Variants in PAPSS1 observed in about 807,000 individuals in gnomAD.
PAPSS1 encodes bifunctional 3'-phosphoadenosine 5'-phosphosulfate synthase 1.
A neutral mutation model predicts 72.0 loss-of-function variants in PAPSS1; 50 were observed. That is an observed-to-expected ratio of 0.69 (90% CI 0.55 to 0.88). The LOEUF (loss-of-function observed/expected upper bound fraction) is 0.88, where lower values mean the gene tolerates loss of function less well. Ranked by LOEUF, PAPSS1 falls within the 40% of genes least tolerant of loss-of-function variation. PAPSS1 has a pLI of 0.00. For missense variants in PAPSS1, 657 were observed against 782.2 expected (o/e 0.84, Z 1.91); for synonymous variants, 261 against 263.6 (o/e 0.99, Z 0.09).
chr4:107,647,320 G>C (rs574598912), intron 9 of PAPSS1, among the ~76,000 whole-genome samples: 2 of 152,348 alleles, frequency 1.3e-5, no homozygotes, highest in South Asian at 2.1e-4. Flanking sequence ...CAGAGTGAGG[G>C]AAGGAAAGAA....
At chr4:107,668,930 C>T (rs1266705024) in intron 5 of PAPSS1, among the ~76,000 whole-genome samples, 2 of 152,076 alleles carry the variant, frequency 1.3e-5, no homozygotes, top group Non-Finnish European at 2.9e-5. Flanking sequence ...TAATGTAGGA[C>T]CCCTAACCTT....
chr4:107,713,278 C>T (rs546038930), intron 1 of PAPSS1, among the ~76,000 whole-genome samples: 2 of 152,184 alleles, frequency 1.3e-5, no homozygotes, highest in East Asian at 1.9e-4. Context: ...CCCACAATAG[C>T]ATAACCCATA....
chr4:107,623,674 C>A (rs926994568), intron 11 of PAPSS1, among the ~76,000 whole-genome samples: 1 of 152,188 alleles, frequency 6.6e-6, no homozygotes, highest in Admixed American at 6.5e-5. Flanking sequence ...GGAGTCTCAA[C>A]TGAATGGGAG....
chr4:107,682,254 T>A (rs1490200459), intron 4 of PAPSS1, 121 bp from the exon 5 acceptor site: 3 of 453,700 alleles, frequency 6.6e-6, no homozygotes, highest in Non-Finnish European at 7.8e-6. Flanking sequence ...GCCACAGGGC[T>A]ATAGTAATGA....
chr4:107,619,717 A>G (rs1316672594), intron 11 of PAPSS1, among the ~76,000 whole-genome samples: 3 of 152,240 alleles, frequency 2.0e-5, no homozygotes, highest in Non-Finnish European at 4.4e-5. Context: ...AATTTGGGCC[A>G]TTTCACTACA....
At chr4:107,655,105 TA>T (rs61591737) in intron 7 of PAPSS1, among the ~76,000 whole-genome samples, 1,767 of 117,666 alleles carry the variant, frequency 0.015, 28 homozygotes, top group African/African-American at 0.041. Flanking sequence ...TCTCCCAAGT[TA>T]AAAAAAAAAA....
At chr4:107,698,261 G>C (rs1449459543) in intron 2 of PAPSS1, among the ~76,000 whole-genome samples, 1 of 152,048 alleles carries the variant, frequency 6.6e-6, no homozygotes, top group African/African-American at 2.4e-5. Flanking sequence ...CATCTGAATT[G>C]CAAGAAAAAA....
chr4:107,684,168 C>T (rs1229051599), intron 4 of PAPSS1, among the ~76,000 whole-genome samples: 4 of 152,168 alleles, frequency 2.6e-5, no homozygotes, highest in African/African-American at 9.7e-5. Context: ...TCTTTGAATA[C>T]TTGGCACCAA....
chr4:107,617,241 G>GC (rs1725848865), intron 11 of PAPSS1, among the ~76,000 whole-genome samples: 1 of 143,574 alleles, frequency 7.0e-6, no homozygotes, highest in African/African-American at 2.6e-5. Flanking sequence ...CGGCCTCCAA[G>GC]CATCTCCTGT....
At chr4:107,680,267 A>G (rs1339373636) in intron 5 of PAPSS1, among the ~76,000 whole-genome samples, 1 of 152,172 alleles carries the variant, frequency 6.6e-6, no homozygotes, top group African/African-American at 2.4e-5. Flanking sequence ...ACCTAGACAC[A>G]TGATATTAAA....
chr4:107,677,978 T>C (rs541662861), intron 5 of PAPSS1, among the ~76,000 whole-genome samples: 234 of 152,122 alleles, frequency 1.5e-3, no homozygotes, highest in Middle Eastern at 3.4e-3. Context: ...TAGGTGGGAA[T>C]TGAACAATGA....
At chr4:107,692,354 G>A (rs1210687264) in intron 3 of PAPSS1, among the ~76,000 whole-genome samples, 2 of 152,008 alleles carry the variant, frequency 1.3e-5, no homozygotes, top group African/African-American at 4.8e-5. Flanking sequence ...CTCTTAAGAA[G>A]ACATACATGC....
At chr4:107,664,242 A>T (rs1255384769) in intron 5 of PAPSS1, among the ~76,000 whole-genome samples, 6 of 152,174 alleles carry the variant, frequency 3.9e-5, no homozygotes, top group Non-Finnish European at 8.8e-5. Flanking sequence ...TCTGAAATGT[A>T]TATTATTGTA....
chr4:107,655,016 G>A, intron 7 of PAPSS1, 116 bp from the exon 8 acceptor site: 1 of 675,068 alleles, frequency 1.5e-6, no homozygotes, highest in Non-Finnish European at 2.5e-6. Context: ...TGTAGATCCA[G>A]TGACAGTATT....
At chr4:107,636,707 G>A (rs1212332745) in intron 10 of PAPSS1, among the ~76,000 whole-genome samples, 1 of 152,102 alleles carries the variant, frequency 6.6e-6, no homozygotes, top group Non-Finnish European at 1.5e-5. Flanking sequence ...GGGGAGGACA[G>A]GAGGACCAAA....
intron 2 of PAPSS1, among the ~76,000 whole-genome samples, chr4:107,697,889 T>C (rs1723109608): frequency 6.6e-6 from 1 of 152,106 alleles, no homozygotes; most frequent in Non-Finnish European, 1.5e-5. Context: ...ACAGCTGGTG[T>C]TCTTACAAGG....
intron 9 of PAPSS1, among the ~76,000 whole-genome samples, chr4:107,647,397 T>C (rs1381112365): frequency 6.6e-6 from 1 of 152,150 alleles, no homozygotes; most frequent in Non-Finnish European, 1.5e-5. Context: ...TCCTTCCTGT[T>C]CCATCAACAG....
rs112627608 is a variant in PAPSS1 at position 107,634,363 on chromosome 4, G to A, written c.1507-2503C>T. 2.0e-3 allele frequency among the ~76,000 whole-genome samples: 310 copies of A among 152,240 alleles called. 1 individual carries two copies. The highest frequency in any genetic ancestry group is 5.1e-3 in the African/African-American group (213 of 41,556). ...CAAATACATACATAATCAAGATTAA[G>A]AAGAGCAATTAATTCAGGGGCTAAT... On this transcript the variant is annotated intron_variant, in intron 10 of 11. Transcript: ENST00000265174.
At chr4:107,707,799 T>C (rs890019186) in intron 1 of PAPSS1, among the ~76,000 whole-genome samples, 2 of 152,248 alleles carry the variant, frequency 1.3e-5, no homozygotes, top group Non-Finnish European at 2.9e-5. Flanking sequence ...TGTTTCTGTG[T>C]GAAGACAAGC....
Sources: allele counts gnomAD v4.1 joint callset (sites outside exome capture counted in the v4.1 genomes callset), GRCh38; gene constraint gnomAD v4.1.1; transcripts MANE v1.5; gene names NCBI Gene and HGNC (gene_info 2026-07-23, HGNC 2026-07-21).